The following SLCO3A1 variants were observed in gnomAD, a reference collection of about 807,000 sequenced individuals.
SLCO3A1 encodes the protein PGE1 transporter.
SLCO3A1 carries 27 observed loss-of-function variants against 63.1 expected under a neutral mutation model. That is an observed-to-expected ratio of 0.43 (90% CI 0.32 to 0.59). SLCO3A1 has a LOEUF of 0.59. SLCO3A1 is among the 20% of genes least tolerant of loss of function. The pLI is 0.09. For missense variants in SLCO3A1, 773 were observed against 945.8 expected, an observed-to-expected ratio of 0.82 and a Z score of 2.40; for synonymous variants, 473 against 409.9, an observed-to-expected ratio of 1.15 and a Z score of -1.86.
rs1002402017 is a variant in SLCO3A1, at chr15:92,126,408, A to C, written c.1373+149A>C. 1.4e-5 allele frequency: 9 copies of C among 651,588 alleles called. No individual in the cohort carries two copies. The African/African-American group carries it at 1.6e-4, about 12-fold the overall frequency. The allele number at this position is 651,588 out of a possible 1,614,324, so 40.4% of individuals were successfully genotyped here. A position where few individuals can be genotyped will look rare whatever the true frequency, so the allele number is the denominator to read the frequency against. On this transcript the variant is annotated intron_variant, in intron 6 of 9. Transcript: ENST00000318445. ...CTGCATCTTACTGTCCACGTTGGAG[A>C]ATCAGTAGAACCCTCTGGGCTGAGA... is the stretch of plus-strand genomic sequence containing the variant.
At chr15:92,162,077 A>C (rs2048445664) in intron 9 of SLCO3A1, 1 of 149,970 alleles carries the variant, frequency 6.7e-6, no homozygotes, top group Non-Finnish European at 1.5e-5. Context: ...TGATGATAAT[A>C]GCAGCTGTCA....
At chr15:92,056,357 C>CA (rs35482961) in intron 2 of SLCO3A1, among the ~76,000 whole-genome samples, 37 of 151,550 alleles carry the variant, frequency 2.4e-4, no homozygotes, top group South Asian at 6.2e-4. Flanking sequence ...TTTTCTGCTC[C>CA]AAAAAAAAAT....
chr15:92,152,261 G>A (rs1445560161), intron 9 of SLCO3A1, among the ~76,000 whole-genome samples: 1 of 152,170 alleles, frequency 6.6e-6, no homozygotes, highest in African/African-American at 2.4e-5. Context: ...GGTCCTCCCT[G>A]GGGAATGGCA....
intron 2 of SLCO3A1, among the ~76,000 whole-genome samples, chr15:91,929,599 G>C (rs1899150656): frequency 6.6e-6 from 1 of 152,158 alleles, no homozygotes; most frequent in East Asian, 1.9e-4. Flanking sequence ...CAGCTGTACA[G>C]TTTGATAGTG....
At chr15:91,892,362 G>T (rs1263678067) in intron 1 of SLCO3A1, among the ~76,000 whole-genome samples, 1 of 152,182 alleles carries the variant, frequency 6.6e-6, no homozygotes, top group Non-Finnish European at 1.5e-5. Context: ...AGAGCTGGCT[G>T]CAGATTCATA....
At chr15:91,918,934 TTGTC>T (rs1215618827) in intron 2 of SLCO3A1, among the ~76,000 whole-genome samples, 1 of 152,202 alleles carries the variant, frequency 6.6e-6, no homozygotes, top group East Asian at 1.9e-4. Flanking sequence ...CCACAACCAA[TTGTC>T]TGGTCATATG....
chr15:92,140,882 C>G (rs1222135542), intron 7 of SLCO3A1, among the ~76,000 whole-genome samples: 1 of 152,116 alleles, frequency 6.6e-6, no homozygotes, highest in Non-Finnish European at 1.5e-5. Context: ...AGTAGTCTAT[C>G]TTTAACCAGT....
At position 92,165,298 on chromosome 15, in the gene SLCO3A1, G is replaced by C; in HGVS notation, c.*2163G>C. On this transcript the variant is annotated 3_prime_UTR_variant, in exon 10 of 10. Coordinates refer to ENST00000318445, the MANE Select transcript of SLCO3A1 (RefSeq NM_013272.4). ...CTCATCAGTACGTTAACTACTAAAG[G>C]GGAGATGGTTCTCCAACCACTTCAT... is the stretch of plus-strand genomic sequence containing the variant. 2.0e-6 allele frequency: 2 copies of C among 985,184 alleles called. No homozygotes were observed. Among genetic ancestry groups the C allele is most frequent in the Non-Finnish European group, 2.4e-6 (2 of 829,838 alleles). 61.0% of individuals were successfully genotyped at this position (985,184 alleles called of 1,614,324 possible).
At chr15:92,139,140 A>G (rs1310883180) in intron 7 of SLCO3A1, among the ~76,000 whole-genome samples, 2 of 151,164 alleles carry the variant, frequency 1.3e-5, no homozygotes, top group Middle Eastern at 6.9e-3. Flanking sequence ...ATTATTTTGA[A>G]ATATGTCCCA....
intron 2 of SLCO3A1, among the ~76,000 whole-genome samples, chr15:91,960,278 C>T (rs980796714): frequency 3.3e-5 from 5 of 152,218 alleles, no homozygotes; most frequent in East Asian, 1.9e-4. Flanking sequence ...CCACCACGCC[C>T]GGCCTTATGT....
chr15:92,009,467 T>C (rs118053207), intron 2 of SLCO3A1, among the ~76,000 whole-genome samples: 254 of 152,318 alleles, frequency 1.7e-3, no homozygotes, highest in Non-Finnish European at 2.5e-3. Flanking sequence ...AACTCGAGAA[T>C]GTCTCCAGCA....
At chr15:92,158,417 G>T (rs566680554) in intron 9 of SLCO3A1, among the ~76,000 whole-genome samples, 1 of 152,168 alleles carries the variant, frequency 6.6e-6, no homozygotes, top group Non-Finnish European at 1.5e-5. Context: ...ATCAAACCTG[G>T]AACAAATAAT....
At chr15:91,960,649 C>G (rs1010865729) in intron 2 of SLCO3A1, among the ~76,000 whole-genome samples, 2 of 151,518 alleles carry the variant, frequency 1.3e-5, no homozygotes, top group Non-Finnish European at 3.0e-5. Context: ...ATTCTTTTCT[C>G]ACTATTTCAT....
At chr15:92,112,970 G>T (rs1294297948) in intron 4 of SLCO3A1, among the ~76,000 whole-genome samples, 1 of 152,280 alleles carries the variant, frequency 6.6e-6, no homozygotes, top group East Asian at 1.9e-4. Flanking sequence ...AGTCAGCCTT[G>T]CTGCCATGGA....
At chr15:91,890,436 A>G (rs186425288) in intron 1 of SLCO3A1, among the ~76,000 whole-genome samples, 2 of 152,276 alleles carry the variant, frequency 1.3e-5, no homozygotes, top group East Asian at 1.9e-4. Context: ...TCTCTCTTAC[A>G]GAGACCTTGA....
chr15:91,939,940 G>T (rs1899560003), intron 2 of SLCO3A1, among the ~76,000 whole-genome samples: 1 of 152,086 alleles, frequency 6.6e-6, no homozygotes, highest in African/African-American at 2.4e-5. Flanking sequence ...ACTTGCCTGG[G>T]GTCACATAGC....
At chr15:92,037,592 A>G (rs1048534160) in intron 2 of SLCO3A1, among the ~76,000 whole-genome samples, 7 of 152,208 alleles carry the variant, frequency 4.6e-5, no homozygotes, top group African/African-American at 1.7e-4. Context: ...ACAGATTTCT[A>G]AAATGGTCTT....
downstream of SLCO3A1, among the ~76,000 whole-genome samples, chr15:92,166,392 G>A (rs1270715469): frequency 1.3e-5 from 2 of 152,220 alleles, no homozygotes; most frequent in African/African-American, 4.8e-5. Flanking sequence ...CGTCTTCCTA[G>A]CAGGAGGGAG....
intron 4 of SLCO3A1, among the ~76,000 whole-genome samples, chr15:92,106,366 C>G (rs1354887113): frequency 2.6e-5 from 4 of 152,272 alleles, no homozygotes; most frequent in South Asian, 4.2e-4. Context: ...ATAAAATAGG[C>G]TCACTTCCAG....
Sources: allele counts gnomAD v4.1 joint callset (sites outside exome capture counted in the v4.1 genomes callset), GRCh38; gene constraint gnomAD v4.1.1; transcripts MANE v1.5; gene names NCBI Gene and HGNC (gene_info 2026-07-23, HGNC 2026-07-21).